TMEM132D: variants seen among roughly 807,000 people sequenced by gnomAD.
The protein encoded by TMEM132D is mature OL transmembrane protein.
TMEM132D carries 21 observed loss-of-function variants against 62.3 expected under a neutral mutation model. The ratio of observed to expected loss-of-function variants is 0.34; its 90% confidence interval spans 0.24 to 0.49. The LOEUF is 0.49. TMEM132D is among the 20% of genes least tolerant of loss of function. TMEM132D has a pLI of 0.99. For missense variants in TMEM132D, 1,346 were observed against 1,402.8 expected, an observed-to-expected ratio of 0.96 and a Z score of 0.65; for synonymous variants, 621 against 575.6, an observed-to-expected ratio of 1.08 and a Z score of -1.13.
In TMEM132D at chr12:129,103,940, C is replaced by T. The variant is rs576169616; in HGVS notation, c.1444-19238G>A. 4.6e-5 allele frequency among the ~76,000 whole-genome samples: 7 copies of T among 152,302 alleles called. No individual in the cohort carries two copies. In the South Asian group the frequency reaches 1.2e-3, roughly 27 times the overall value. The stretch of plus-strand genomic sequence containing the variant: ...TTCCATGCTCGTGGGTAGGAATAAT[C>T]AATATCTTGAAAATGGCCATACTGC... On this transcript the variant is annotated intron_variant, in intron 5 of 8. Transcript: ENST00000422113.
intron 1 of TMEM132D, among the ~76,000 whole-genome samples, chr12:129,736,145 T>C (rs1199376361): frequency 6.6e-6 from 1 of 152,136 alleles, no homozygotes; most frequent in Non-Finnish European, 1.5e-5. Context: ...TTTTTTTAGG[T>C]AATAGACAAT....
chr12:129,821,354 T>C (rs1872537395), intron 1 of TMEM132D, among the ~76,000 whole-genome samples: 1 of 152,134 alleles, frequency 6.6e-6, no homozygotes, highest in Non-Finnish European at 1.5e-5. Flanking sequence ...GGAGAATGAC[T>C]AAAGGACTCC....
intron 2 of TMEM132D, among the ~76,000 whole-genome samples, chr12:129,628,995 G>GTC (rs574206937): frequency 2.0e-5 from 3 of 148,786 alleles, no homozygotes; most frequent in African/African-American, 5.0e-5. Flanking sequence ...CTGCCCCTCT[G>GTC]TCTCTCTCTC....
intron 3 of TMEM132D, among the ~76,000 whole-genome samples, chr12:129,358,289 A>G (rs1367561317): frequency 1.3e-5 from 2 of 151,942 alleles, no homozygotes; most frequent in African/African-American, 2.4e-5. Context: ...AGTCATTCCA[A>G]TGACATTTCT....
rs375234974 is a variant in TMEM132D at position 129,479,494 on chromosome 12, G to A, written c.1115+51565C>T. On this transcript the variant is annotated intron_variant, in intron 3 of 8. Coordinates refer to ENST00000422113, the MANE Select transcript of TMEM132D (RefSeq NM_133448.3). Reference sequence around the variant, plus strand: ...GTCCTGAGATCCCACCATCGCAGGCGTGAAACTCAGGACACAGGAGCATAT... The same window carrying A: ...GTCCTGAGATCCCACCATCGCAGGCATGAAACTCAGGACACAGGAGCATAT... 1.8e-4 allele frequency among the ~76,000 whole-genome samples: 27 copies of A among 152,240 alleles called. 1 individual carries two copies. The South Asian group carries it at 3.9e-3, about 22-fold the overall frequency.
chr12:129,365,217 G>T lies in TMEM132D; in HGVS notation c.1116-27400C>A, dbSNP rs760737500. Among the ~76,000 whole-genome samples the T allele has an allele frequency of 4.9e-4, 74 of 152,116 alleles. 1 individual carries two copies. Among genetic ancestry groups the T allele is most frequent in the Non-Finnish European group, 9.0e-4 (61 of 68,024 alleles). On this transcript the variant is annotated intron_variant, in intron 3 of 8. Transcript: ENST00000422113. ...TAGAGGCAGTCCAGCTGCCATCACAGGTCAGCTAAGGTATCTTATCTGACC... is the reference window on the plus strand; with the variant it reads ...TAGAGGCAGTCCAGCTGCCATCACATGTCAGCTAAGGTATCTTATCTGACC...
At chr12:129,497,435 G>T (rs1380001117) in intron 3 of TMEM132D, among the ~76,000 whole-genome samples, 1 of 152,212 alleles carries the variant, frequency 6.6e-6, no homozygotes, top group Non-Finnish European at 1.5e-5. Flanking sequence ...GCACAGCAAT[G>T]CTGTTCCCTC....
chr12:129,898,471 T>C (rs1263424480), intron 1 of TMEM132D, among the ~76,000 whole-genome samples: 1 of 152,126 alleles, frequency 6.6e-6, no homozygotes, highest in Admixed American at 6.5e-5. Context: ...ATCCCTGAAA[T>C]ATGGGAATGT....
At chr12:129,099,197 T>C (rs1396021523) in intron 5 of TMEM132D, among the ~76,000 whole-genome samples, 1 of 152,196 alleles carries the variant, frequency 6.6e-6, no homozygotes, top group Non-Finnish European at 1.5e-5. Context: ...ATCATCCACA[T>C]TCTCCCATCT....
rs138862935 is a variant in TMEM132D, at chr12:129,859,121, T to A, written c.79+44140A>T. ...AGTCCTGCGGGAGGGTGTTCATCCGTTCCACCACGTGAGGACACGGTGAGA... is the reference window on the plus strand; with the variant it reads ...AGTCCTGCGGGAGGGTGTTCATCCGATCCACCACGTGAGGACACGGTGAGA... On this transcript the variant is annotated intron_variant, in intron 1 of 8. Transcript: ENST00000422113. Among the ~76,000 whole-genome samples the A allele has an allele frequency of 4.3e-3, 656 of 152,136 alleles. 4 individuals are homozygous for A. The highest frequency in any genetic ancestry group is 0.015 in the African/African-American group (632 of 41,494).
chr12:129,251,357 C>CA (rs59666716), intron 4 of TMEM132D, among the ~76,000 whole-genome samples: 1,751 of 79,760 alleles, frequency 0.022, 62 homozygotes, highest in African/African-American at 0.042. Context: ...GACACTGTCT[C>CA]AAAAAAAAAA....
chr12:129,751,453 G>T (rs1869998242), intron 1 of TMEM132D, among the ~76,000 whole-genome samples: 1 of 152,154 alleles, frequency 6.6e-6, no homozygotes, highest in South Asian at 2.1e-4. Context: ...TTTGTGATGA[G>T]ATTTGGGTGG....
intron 3 of TMEM132D, among the ~76,000 whole-genome samples, chr12:129,504,277 A>G (rs987279597): frequency 6.6e-5 from 10 of 152,128 alleles, no homozygotes; most frequent in African/African-American, 2.4e-4. Context: ...TTTAGGGAGG[A>G]TTCCTTCTTT....
At chr12:129,513,816 AT>A (rs1387113583) in intron 3 of TMEM132D, among the ~76,000 whole-genome samples, 1 of 107,868 alleles carries the variant, frequency 9.3e-6, no homozygotes, top group African/African-American at 3.8e-5. Flanking sequence ...TTATTTATTT[AT>A]TTATTTATTT....
chr12:129,766,843 C>T (rs1437551365), intron 1 of TMEM132D, among the ~76,000 whole-genome samples: 1 of 152,146 alleles, frequency 6.6e-6, no homozygotes, highest in Non-Finnish European at 1.5e-5. Flanking sequence ...GAAAGAGGTG[C>T]AGGAAGCCCA....
chr12:129,780,419 A>G (rs1871086602), intron 1 of TMEM132D, among the ~76,000 whole-genome samples: 1 of 152,086 alleles, frequency 6.6e-6, no homozygotes, highest in South Asian at 2.1e-4. Context: ...AGATTTTTGC[A>G]TAGAAATCTC....
intron 1 of TMEM132D, among the ~76,000 whole-genome samples, chr12:129,751,585 T>C (rs926496607): frequency 6.6e-6 from 1 of 152,218 alleles, no homozygotes; most frequent in Admixed American, 6.5e-5. Flanking sequence ...TGCCCTTAAG[T>C]TGTTTGTTAA....
chr12:129,792,282 C>T (rs1871421538), intron 1 of TMEM132D, among the ~76,000 whole-genome samples: 1 of 152,160 alleles, frequency 6.6e-6, no homozygotes, highest in Non-Finnish European at 1.5e-5. Flanking sequence ...TCATGTCAAA[C>T]ACCAACTACA....
chr12:129,222,746 GGGTGA>G (rs1212974840), intron 4 of TMEM132D, among the ~76,000 whole-genome samples: 11 of 152,252 alleles, frequency 7.2e-5, no homozygotes, highest in African/African-American at 2.6e-4. Flanking sequence ...GCCAGGAACT[GGGTGA>G]GGTGTTGGGG....
Sources: allele counts gnomAD v4.1 joint callset (sites outside exome capture counted in the v4.1 genomes callset), GRCh38; gene constraint gnomAD v4.1.1; transcripts MANE v1.5; gene names NCBI Gene and HGNC (gene_info 2026-07-23, HGNC 2026-07-21).